Variants in PODNL1 observed in about 807,000 individuals in gnomAD.
PODNL1 encodes the protein podocan-like protein 1.
Under a neutral mutation model 45.1 loss-of-function variants are expected in PODNL1, and 50 were observed. The observed-to-expected ratio is 1.11, with a 90% CI of 0.88 to 1.40. PODNL1 has a LOEUF of 1.40. PODNL1 is among the 40% of genes most tolerant of loss of function. The pLI, the probability that PODNL1 is intolerant of heterozygous loss-of-function variation, is 0.00. For synonymous variants in PODNL1, 406 were observed against 372.5 expected, an observed-to-expected ratio of 1.09 and a Z score of -1.04; for missense variants, 788 against 793.3, an observed-to-expected ratio of 0.99 and a Z score of 0.08.
rs1971952066 is a variant in PODNL1, at chr19:13,931,750, G to T, written c.1712C>A (p.Ala571Glu). 8.1e-7 allele frequency: 1 copy of T among 1,231,898 alleles called. No homozygotes were observed. Among genetic ancestry groups the T allele is most frequent in the Non-Finnish European group, 1.0e-6 (1 of 987,964 alleles). 76.3% of individuals were successfully genotyped at this position (1,231,898 alleles called of 1,614,324 possible). A position where few individuals can be genotyped will look rare whatever the true frequency, so the allele number is the denominator to read the frequency against. ...LPPTTPRGPR[A>E]GGP The stretch of plus-strand genomic sequence containing the variant: ...GCCTCTCTAGGATCAGGGGCCCCCT[G>T]CCCGTGGCCCACGTGGGGTGGTGGG... Residue 571 changes from alanine to glutamate, a missense_variant, in exon 10 of 10, where the codon GCA becomes GAA. This residue lies in a region of PODNL1 where 17 missense variants were observed against 16.7 expected (regional missense o/e 1.02). Coordinates refer to ENST00000588872, the MANE Select transcript of PODNL1 (RefSeq NM_001370095.3).
intron 2 of PODNL1, among the ~76,000 whole-genome samples, chr19:13,936,665 C>T (rs2145432979): frequency 7.1e-6 from 1 of 141,364 alleles, no homozygotes; most frequent in South Asian, 2.4e-4. Context: ...CCCAAATGTG[C>T]CATCACCCCC....
intron 5 of PODNL1, 32 bp downstream of exon 5, chr19:13,935,689 G>A: frequency 6.9e-7 from 1 of 1,457,460 alleles, no homozygotes; most frequent in Non-Finnish European, 9.2e-7. Flanking sequence ...ATGTATCTGA[G>A]GCCTGGGGGC....
intron 3 of PODNL1, 41 bp from the exon 4 acceptor site, chr19:13,936,085 C>G (rs1445393224): frequency 6.6e-7 from 1 of 1,515,724 alleles, no homozygotes; most frequent in Non-Finnish European, 8.9e-7. Context: ...CCAGGCCTGT[C>G]TTGGGTGGAG....
In PODNL1 at chr19:13,933,113, G is replaced by C; in HGVS notation, c.1110C>G (p.Asp370Glu). 2 of 1,528,896 alleles carry C rather than the reference G, an allele frequency of 1.3e-6. No individual in the cohort carries two copies. Among genetic ancestry groups the C allele is most frequent in the Non-Finnish European group, 1.8e-6 (2 of 1,141,932 alleles). 94.7% of individuals were successfully genotyped at this position (1,528,896 alleles called of 1,614,324 possible). A position where few individuals can be genotyped will look rare whatever the true frequency, so the allele number is the denominator to read the frequency against. Reference protein sequence around the residue: ...HNHVAALGARDLVATPGLTEL... With the variant: ...HNHVAALGARELVATPGLTEL... ...CCGTCAGGCCCGGTGTGGCGACCAGGTCACGGGCACCCAGCGCGGCCACGT... is the reference window on the plus strand; with the variant it reads ...CCGTCAGGCCCGGTGTGGCGACCAGCTCACGGGCACCCAGCGCGGCCACGT... The change falls in exon 8 of 10, where the codon GAC becomes GAG. Residue 370 changes from aspartate (D) to glutamate (E), a missense_variant. Around this residue, in one of 3 missense-constraint regions of PODNL1, gnomAD observed 762 missense variants for 750.9 expected, o/e 1.01. Coordinates refer to ENST00000588872, the MANE Select transcript of PODNL1 (RefSeq NM_001370095.3). This position sits in a 1 kb window ranked among gnomAD's most constrained non-coding sequence, Gnocchi z 5.2.
At chr19:13,939,459 A>C (rs1217031872), upstream of PODNL1, among the ~76,000 whole-genome samples, 1 of 151,986 alleles carries the variant, frequency 6.6e-6, no homozygotes, top group Non-Finnish European at 1.5e-5. Flanking sequence ...TGATTTGCCC[A>C]CCTTGGCCTC....
chr19:13,934,430 G>A lies in PODNL1; in HGVS notation c.495-20C>T, dbSNP rs181540062. The A allele has an allele frequency of 1.1e-4, 159 of 1,482,740 alleles. No individual in the cohort carries two copies. The African/African-American group carries it at 1.8e-3, about 16-fold the overall frequency. 91.8% of individuals were successfully genotyped at this position (1,482,740 alleles called of 1,614,324 possible). ...ACGGACCTGAGGAGAGCCAGGCTCC[G>A]GCCACCAGCCTGCCCCTCGCCTCCT... On this transcript the variant is annotated intron_variant, in intron 5 of 9. Coordinates refer to ENST00000588872, the MANE Select transcript of PODNL1 (RefSeq NM_001370095.3).
intron 4 of PODNL1, 67 bp downstream of exon 4, chr19:13,935,913 C>T: frequency 1.3e-6 from 2 of 1,543,258 alleles, no homozygotes; most frequent in South Asian, 1.2e-5. Flanking sequence ...CCCCTCCACA[C>T]CCTGGGCTGA....
rs763503040 is a variant in PODNL1 at position 13,933,192 on chromosome 19, C to T, written c.1031G>A (p.Arg344His). Residue 344 changes from arginine (R) to histidine (H), a missense_variant, in exon 8 of 10, where the codon CGC (arginine) becomes CAC (histidine). Arg to His is a conservative substitution (Grantham distance 29). This residue lies in a region of PODNL1 where 762 missense variants were observed against 750.9 expected (regional missense o/e 1.01). Transcript: ENST00000588872. The surrounding 1 kb of genome is among the most constrained non-coding windows in gnomAD (Gnocchi z 5.2). ...GCGGCGGGGCAGGGCTGGAGGCACG[C>T]GGTCCAGCCCATTGCCATAGAGGTG... The part of the protein sequence containing the change: ...TLHLYGNGLD[R>H]VPPALPRRLR... 3.9e-6 allele frequency: 6 copies of T among 1,535,104 alleles called. No homozygotes were observed. The highest frequency in any genetic ancestry group is 1.4e-5 in the African/African-American group (1 of 73,040).
chr19:13,945,678 G>A (rs529611220), intron 1 of PODNL1, among the ~76,000 whole-genome samples: 14 of 152,000 alleles, frequency 9.2e-5, no homozygotes, highest in South Asian at 2.1e-4. Context: ...GTAGAGACAC[G>A]GTTTCACCAT....
In PODNL1 at chr19:13,934,382, T is replaced by C; in HGVS notation, c.523A>G (p.Ser175Gly). ...GCGTCGGGGGGCAGGCCAGCGTTGC[T>C]CAGCTGGTTGTTGTGGAGGTACACG... Reference protein sequence around the residue: ...RSVYLHNNQLSNAGLPPDAFR... With the variant: ...RSVYLHNNQLGNAGLPPDAFR... The change falls in exon 6 of 10, where the codon AGC becomes GGC. Residue 175 changes from serine to glycine, a missense_variant. By Grantham distance (56) the Ser-to-Gly change is moderately conservative. Coordinates refer to ENST00000588872, the MANE Select transcript of PODNL1 (RefSeq NM_001370095.3). 1 of 1,549,994 alleles carries C rather than the reference T, an allele frequency of 6.5e-7. No individual in the cohort carries two copies. Among genetic ancestry groups the C allele is most frequent in the Non-Finnish European group, 8.7e-7 (1 of 1,149,004 alleles).
At chr19:13,936,541 A>G in intron 2 of PODNL1, 81 bp from the exon 3 acceptor site, 1 of 1,070,360 alleles carries the variant, frequency 9.3e-7, no homozygotes, top group Non-Finnish European at 1.4e-6. Flanking sequence ...ACTTCCCATC[A>G]GCCCAAACCA....
At chr19:13,942,142 T>C (rs979702634), upstream of PODNL1, among the ~76,000 whole-genome samples, 1 of 152,106 alleles carries the variant, frequency 6.6e-6, no homozygotes, top group Non-Finnish European at 1.5e-5. Context: ...CCTCTTTCCA[T>C]TGCAAAGGAA....
At chr19:13,947,427 G>A (rs1047970994) in intron 1 of PODNL1, among the ~76,000 whole-genome samples, 3 of 151,210 alleles carry the variant, frequency 2.0e-5, no homozygotes, top group Admixed American at 6.6e-5. Flanking sequence ...GTTGCAGTGA[G>A]CTGAGATCGC....
chr19:13,940,283 T>C (rs1286969533), upstream of PODNL1, among the ~76,000 whole-genome samples: 8 of 151,574 alleles, frequency 5.3e-5, no homozygotes, highest in Admixed American at 4.6e-4. Flanking sequence ...TTAAAAACTT[T>C]GTGGGGGGCC....
In PODNL1 at chr19:13,933,333, G is replaced by T. The variant is rs571493723; in HGVS notation, c.890C>A (p.Ala297Glu). The T allele has an allele frequency of 6.2e-7, 1 of 1,603,898 alleles. No homozygotes were observed. The change falls in exon 8 of 10, where the codon GCG becomes GAG. Residue 297 changes from alanine (A) to glutamate (E), a missense_variant. Physicochemically the swap from Ala to Glu is moderately radical, Grantham distance 107. This residue lies in a region of PODNL1 where 762 missense variants were observed against 750.9 expected (regional missense o/e 1.01). Coordinates refer to ENST00000588872, the MANE Select transcript of PODNL1 (RefSeq NM_001370095.3). This position sits in a 1 kb window ranked among gnomAD's most constrained non-coding sequence, Gnocchi z 5.2. ...LGRNRIRQVE[A>E]ARLHGARGLR... ...ACCACGCGCCCCGTGCAGCCGAGCC[G>T]CCTCCACCTGCCGGATGCGGTTGCG...
intron 1 of PODNL1, among the ~76,000 whole-genome samples, chr19:13,950,274 C>G (rs1305215001): frequency 1.3e-5 from 2 of 151,542 alleles, no homozygotes; most frequent in Non-Finnish European, 2.9e-5. Flanking sequence ...CTCAAGTAAT[C>G]TTTCTGCCTC....
chr19:13,932,982 G>C lies in PODNL1; in HGVS notation c.1241C>G (p.Thr414Ser). The part of the protein sequence containing the change: ...RSLDLAGNQL[T>S]RLPMGLPTGL... ...AGTGGGCAGGCCCATGGGCAGCCGG[G>C]TTAGCTGATTCCCTGCCAGGTCGAG... The change falls in exon 8 of 10, where the codon ACC (threonine) becomes AGC (serine). Residue 414 changes from threonine (T) to serine (S), a missense_variant. Around this residue, in one of 3 missense-constraint regions of PODNL1, gnomAD observed 762 missense variants for 750.9 expected, o/e 1.01. Coordinates refer to ENST00000588872, the MANE Select transcript of PODNL1 (RefSeq NM_001370095.3). 2 of 1,551,834 alleles carry C rather than the reference G, an allele frequency of 1.3e-6. No homozygotes were observed. Among genetic ancestry groups the C allele is most frequent in the Non-Finnish European group, 1.7e-6 (2 of 1,154,452 alleles).
rs1972517045 is a variant in PODNL1 at position 13,938,284 on chromosome 19, C to T, written c.-103G>A. The T allele has an allele frequency of 2.0e-6, 3 of 1,495,990 alleles. No individual in the cohort carries two copies. The highest frequency in any genetic ancestry group is 2.7e-6 in the Non-Finnish European group (3 of 1,121,826). 92.7% of individuals were successfully genotyped at this position (1,495,990 alleles called of 1,614,324 possible). ...AGCCTCTGCTGTGGCCACCACCGCC[C>T]CCCATCTCCAGACCCATGCCACCCC... is the stretch of plus-strand genomic sequence containing the variant. On this transcript the variant is annotated 5_prime_UTR_variant, in exon 1 of 10. Transcript: ENST00000588872.
At chr19:13,946,708 C>T (rs1023338803) in intron 1 of PODNL1, among the ~76,000 whole-genome samples, 7 of 152,012 alleles carry the variant, frequency 4.6e-5, no homozygotes, top group African/African-American at 1.7e-4. Context: ...TATTTGTAAA[C>T]AAATACATAT....
Sources: allele counts gnomAD v4.1 joint callset (sites outside exome capture counted in the v4.1 genomes callset), GRCh38; gene constraint gnomAD v4.1.1; regional missense constraint gnomAD v4.1.1; non-coding constraint Gnocchi (gnomAD v3.1); transcripts MANE v1.5; gene names NCBI Gene and HGNC (gene_info 2026-07-23, HGNC 2026-07-21).